ANTXR2: variants seen among roughly 807,000 people sequenced by gnomAD.
ANTXR2 encodes the protein anthrax toxin receptor 2.
ANTXR2 carries 44 observed loss-of-function variants against 73.7 expected under a neutral mutation model. The observed-to-expected ratio is 0.60, with a 90% CI of 0.47 to 0.77. The LOEUF (loss-of-function observed/expected upper bound fraction) is 0.77. ANTXR2 is among the 30% of genes least tolerant of loss of function. The pLI, the probability that ANTXR2 is intolerant of heterozygous loss-of-function variation, is 0.00. For missense variants in ANTXR2, 604 were observed against 592.5 expected, an observed-to-expected ratio of 1.02 and a Z score of -0.20; for synonymous variants, 217 against 205.9, an observed-to-expected ratio of 1.05 and a Z score of -0.46.
chr4:80,000,663 T>C (rs1286394458), intron 12 of ANTXR2, among the ~76,000 whole-genome samples: 1 of 152,102 alleles, frequency 6.6e-6, no homozygotes, highest in Non-Finnish European at 1.5e-5. Context: ...CAGGATAATG[T>C]TATAAGAATT....
chr4:79,909,643 AC>A lies in ANTXR2; in HGVS notation c.1429-2177del, dbSNP rs375471874. On this transcript the variant is annotated intron_variant, in intron 16 of 16. Transcript: ENST00000403729. ...CTGCCAAATGTCTCTAGATATAAGC[AC>A]CAAAAAAAAAAAAATAAAGAAAAAC... Among the ~76,000 whole-genome samples, 1,178 of 147,972 alleles carry A rather than the reference AC, an allele frequency of 8.0e-3. 17 individuals carry two copies. Among genetic ancestry groups the A allele is most frequent in the African/African-American group, 0.022 (856 of 39,782 alleles).
chr4:79,958,636 A>C (rs1729026187), intron 16 of ANTXR2, among the ~76,000 whole-genome samples: 1 of 152,128 alleles, frequency 6.6e-6, no homozygotes, highest in Non-Finnish European at 1.5e-5. Flanking sequence ...ATCTGAGATT[A>C]AGGAAGTAGA....
chr4:80,057,909 A>G (rs1734069387), intron 3 of ANTXR2, among the ~76,000 whole-genome samples: 1 of 152,126 alleles, frequency 6.6e-6, no homozygotes, highest in Non-Finnish European at 1.5e-5. Flanking sequence ...TAAAAAAATT[A>G]TAATTCCAAG....
intron 14 of ANTXR2, among the ~76,000 whole-genome samples, chr4:79,981,666 T>C (rs1262787477): frequency 2.0e-5 from 3 of 152,184 alleles, no homozygotes; most frequent in African/African-American, 7.2e-5. Context: ...AAAACACTTT[T>C]AGTTCCAATC....
intron 16 of ANTXR2, among the ~76,000 whole-genome samples, chr4:79,963,304 G>A (rs1160722863): frequency 6.6e-6 from 1 of 152,112 alleles, no homozygotes; most frequent in African/African-American, 2.4e-5. Flanking sequence ...TGCCTTTGAC[G>A]TTATCAGGAT....
At chr4:79,972,920 T>TAAAAAAAAAAAAAAAAA (rs746252575) in intron 16 of ANTXR2, among the ~76,000 whole-genome samples, 6 of 53,166 alleles carry the variant, frequency 1.1e-4, no homozygotes, top group African/African-American at 6.0e-4. Flanking sequence ...TAGAGTATAA[T>TAAAAAAAAAAAAAAAAA]AAAAAAAAAA....
rs950616323 is a variant in ANTXR2, at chr4:79,978,043, G to A, written c.1311C>T (p.His437=). The change falls in exon 15 of 17, where the codon CAC becomes CAT. Residue 437 remains histidine, a synonymous_variant. Transcript: ENST00000403729. ...RPRPPRPKPT[H]QPPQTKWYTP... ...TGTACCATTTTGTCTGAGGAGGCTGGTGTGTGGGTTTGGGTCGAGGTGGTC... is the reference window on the plus strand; with the variant it reads ...TGTACCATTTTGTCTGAGGAGGCTGATGTGTGGGTTTGGGTCGAGGTGGTC... The A allele has an allele frequency of 8.7e-6, 14 of 1,609,288 alleles. No homozygotes were observed. The highest frequency in any genetic ancestry group is 6.7e-5 in the East Asian group (3 of 44,808).
chr4:79,976,774 TC>T (rs751420383), intron 16 of ANTXR2, among the ~76,000 whole-genome samples: 8 of 152,136 alleles, frequency 5.3e-5, no homozygotes, highest in Non-Finnish European at 1.0e-4. Flanking sequence ...TGGGCTAAGC[TC>T]CAATTTGGGA....
At chr4:80,012,656 C>G (rs879199098) in intron 11 of ANTXR2, among the ~76,000 whole-genome samples, 1 of 152,112 alleles carries the variant, frequency 6.6e-6, no homozygotes, top group African/African-American at 2.4e-5. Flanking sequence ...GTGGGGGAGA[C>G]AGACGTGGGT....
At chr4:80,021,172 A>AG (rs1553933556) in intron 10 of ANTXR2, among the ~76,000 whole-genome samples, 1 of 149,696 alleles carries the variant, frequency 6.7e-6, no homozygotes, top group Non-Finnish European at 1.5e-5. Context: ...AAAAAAAAAA[A>AG]GATGGTTTAG....
intron 12 of ANTXR2, among the ~76,000 whole-genome samples, chr4:80,001,316 C>T (rs1246590710): frequency 1.6e-5 from 2 of 123,236 alleles, no homozygotes; most frequent in Non-Finnish European, 3.3e-5. Context: ...TCCCTCCCCC[C>T]TCCCCCCACC....
At chr4:79,972,920 T>TAAAAAAAAAAAAAAAGAAAGAAAAAAAAA (rs1729473078) in intron 16 of ANTXR2, among the ~76,000 whole-genome samples, 1 of 53,158 alleles carries the variant, frequency 1.9e-5, no homozygotes, top group Non-Finnish European at 3.4e-5. Flanking sequence ...TAGAGTATAA[T>TAAAAAAAAAAAAAAAGAAAGAAAAAAAAA]AAAAAAAAAA....
chr4:79,926,333 T>C (rs944295569), intron 16 of ANTXR2, among the ~76,000 whole-genome samples: 2 of 152,126 alleles, frequency 1.3e-5, no homozygotes, highest in African/African-American at 2.4e-5. Flanking sequence ...ATTGATGAGA[T>C]AGGAATGTGC....
In ANTXR2 at chr4:79,965,530, A is replaced by G. The variant is rs112173298; in HGVS notation, c.1428+12091T>C. Among the ~76,000 whole-genome samples the G allele has an allele frequency of 1.3e-3, 193 of 152,358 alleles. 3 individuals carry two copies. Among genetic ancestry groups the G allele is most frequent in the African/African-American group, 4.4e-3 (185 of 41,586 alleles). On this transcript the variant is annotated intron_variant, in intron 16 of 16. Coordinates refer to ENST00000403729, the MANE Select transcript of ANTXR2 (RefSeq NM_058172.6). ...TCTACAGTTTAAAAATTGCTTTATA[A>G]GCACACACATGGAACTTGTATACCT...
In ANTXR2 at chr4:79,996,708, GT is replaced by G. The variant is rs199512000; in HGVS notation, c.1041+11812del. 3.0e-3 allele frequency among the ~76,000 whole-genome samples: 457 copies of G among 152,072 alleles called. 11 individuals carry two copies. Among genetic ancestry groups the G allele is most frequent in the Admixed American group, 0.023 (355 of 15,240 alleles). On this transcript the variant is annotated intron_variant, in intron 12 of 16. Coordinates refer to ENST00000403729, the MANE Select transcript of ANTXR2 (RefSeq NM_058172.6). ...GTTCAAGAGAAAAGAAAGATTTACT[GT>G]TAGTAAAAATACATTAAAAACTACA...
intron 16 of ANTXR2, among the ~76,000 whole-genome samples, chr4:79,974,982 T>G (rs1334459902): frequency 6.6e-6 from 1 of 152,338 alleles, no homozygotes; most frequent in African/African-American, 2.4e-5. Context: ...ATTTGTTGAA[T>G]GAATGATTAT....
At chr4:79,987,208 T>C (rs1334482646) in intron 12 of ANTXR2, among the ~76,000 whole-genome samples, 2 of 151,122 alleles carry the variant, frequency 1.3e-5, no homozygotes, top group Non-Finnish European at 2.9e-5. Flanking sequence ...CAGGAGAAGG[T>C]TGAAACCCAA....
At chr4:80,021,149 C>CAAAAAAA (rs35390197) in intron 10 of ANTXR2, among the ~76,000 whole-genome samples, 10 of 60,622 alleles carry the variant, frequency 1.6e-4, no homozygotes, top group East Asian at 5.9e-4. Flanking sequence ...GACTCCATCT[C>CAAAAAAA]AAAAAAAAAA....
chr4:79,944,107 T>A (rs1161274936), intron 16 of ANTXR2, among the ~76,000 whole-genome samples: 3 of 101,338 alleles, frequency 3.0e-5, no homozygotes, highest in African/African-American at 1.1e-4. Context: ...GTGCTGCTCA[T>A]ACAAATTACA....
Sources: allele counts gnomAD v4.1 joint callset (sites outside exome capture counted in the v4.1 genomes callset), GRCh38; gene constraint gnomAD v4.1.1; transcripts MANE v1.5; gene names NCBI Gene and HGNC (gene_info 2026-07-23, HGNC 2026-07-21).